Variants in HHAT observed in about 807,000 individuals in gnomAD.
The protein encoded by HHAT is hedgehog acyltransferase.
In HHAT, 47 loss-of-function variants were observed where a neutral mutation model predicts 70.8. That is an observed-to-expected ratio of 0.66 (90% confidence interval 0.53 to 0.85). The LOEUF is 0.85. HHAT is among the 40% of genes least tolerant of loss of function. The probability of loss-of-function intolerance (pLI) is 0.00; values close to 1 mark genes in which losing one functional copy is unlikely to be tolerated. For synonymous variants in HHAT, 228 were observed against 247.6 expected (o/e 0.92, Z 0.74); for missense variants, 609 against 604.8 (o/e 1.01, Z -0.07).
chr1:210,542,888 G>A lies in HHAT; in HGVS notation c.1043+29700G>A, dbSNP rs1273274056. On this transcript the variant is annotated intron_variant, in intron 9 of 11. Coordinates refer to ENST00000261458, the MANE Select transcript of HHAT (RefSeq NM_018194.6). ...TATACATATATGGATATATTTATGT[G>A]TCTGTATATATTTTGATTGTTTGAT... Among the ~76,000 whole-genome samples, 4 of 152,110 alleles carry A rather than the reference G, an allele frequency of 2.6e-5. No individual in the cohort carries two copies. In the East Asian group the frequency reaches 7.7e-4, roughly 29 times the overall value.
intron 9 of HHAT, among the ~76,000 whole-genome samples, chr1:210,539,785 TG>T (rs1308290333): frequency 6.6e-6 from 1 of 152,052 alleles, no homozygotes; most frequent in Non-Finnish European, 1.5e-5. Flanking sequence ...GTGCCTTTTT[TG>T]TGCTCACGAA....
chr1:210,587,375 T>A (rs1159700966), intron 9 of HHAT, among the ~76,000 whole-genome samples: 2 of 152,152 alleles, frequency 1.3e-5, no homozygotes, highest in Non-Finnish European at 2.9e-5. Context: ...CGTGTGAGAC[T>A]TATTCGCTAT....
intron 10 of HHAT, among the ~76,000 whole-genome samples, chr1:210,608,625 C>T (rs1442976379): frequency 6.6e-6 from 1 of 152,084 alleles, no homozygotes; most frequent in Non-Finnish European, 1.5e-5. Context: ...TTTAGATGTG[C>T]ATTTAATTGT....
Position 210,425,395 on chromosome 1 carries a change from CTT to C in HHAT, c.856+7071_856+7072del, listed in dbSNP as rs531946597. On this transcript the variant is annotated intron_variant, in intron 7 of 11. Transcript: ENST00000261458. ...CTTTTGTTGCAATTGCTTTTGTCCT[CTT>C]CGTCATGAAGTCTTTGTCCATGCCT... is the stretch of plus-strand genomic sequence containing the variant. Among the ~76,000 whole-genome samples, 77 of 152,262 alleles carry C rather than the reference CTT, an allele frequency of 5.1e-4. 1 individual carries two copies. In the East Asian group the frequency reaches 6.0e-3, roughly 12 times the overall value.
intron 1 of HHAT, among the ~76,000 whole-genome samples, chr1:210,345,615 T>G (rs2147957439): frequency 6.6e-6 from 1 of 152,358 alleles, no homozygotes; most frequent in Middle Eastern, 3.4e-3. Context: ...GTTTTGGTCT[T>G]TATTTAGATG....
intron 3 of HHAT, among the ~76,000 whole-genome samples, chr1:210,365,309 GTTTTTTTT>G (rs4027290): frequency 6.4e-5 from 5 of 78,408 alleles, no homozygotes; most frequent in Middle Eastern, 0.025. Flanking sequence ...ACTGCTGACA[GTTTTTTTT>G]TTTTTTTTTT....
intron 7 of HHAT, among the ~76,000 whole-genome samples, chr1:210,452,847 A>G (rs373528170): frequency 2.0e-5 from 3 of 152,248 alleles, no homozygotes; most frequent in African/African-American, 7.2e-5. Flanking sequence ...GAGGAGATAG[A>G]AAAGTGAAAA....
chr1:210,362,879 T>C lies in HHAT; in HGVS notation c.119T>C (p.Phe40Ser), dbSNP rs2088503570. ...REHEEELDQEFELETDTLFGG... is the reference protein window; with the variant it reads ...REHEEELDQESELETDTLFGG... The stretch of plus-strand genomic sequence containing the variant: ...CACGAAGAGGAGCTGGACCAGGAAT[T>C]TGAGCTGGAGACTGACACTTTATTT... Residue 40 changes from phenylalanine to serine, a missense_variant, in exon 3 of 12, where the codon TTT (phenylalanine) becomes TCT (serine). Transcript: ENST00000261458. 1 of 1,614,030 alleles carries C rather than the reference T, an allele frequency of 6.2e-7. No homozygotes were observed. The highest frequency in any genetic ancestry group is 8.5e-7 in the Non-Finnish European group (1 of 1,179,928).
At chr1:210,616,109 T>A (rs1667674112) in intron 10 of HHAT, among the ~76,000 whole-genome samples, 4 of 152,326 alleles carry the variant, frequency 2.6e-5, no homozygotes, top group South Asian at 4.1e-4. Flanking sequence ...GGGCAAAACA[T>A]ATTTTGAAAT....
intron 7 of HHAT, among the ~76,000 whole-genome samples, chr1:210,453,856 G>C (rs1472931056): frequency 6.6e-6 from 1 of 152,150 alleles, no homozygotes; most frequent in Non-Finnish European, 1.5e-5. Flanking sequence ...GTGATGGACT[G>C]TATTAGTTTG....
chr1:210,367,155 T>C (rs774573044), intron 3 of HHAT, among the ~76,000 whole-genome samples: 2 of 152,246 alleles, frequency 1.3e-5, no homozygotes, highest in East Asian at 1.9e-4. Flanking sequence ...GATAGCACTC[T>C]TTTGGGTGAA....
chr1:210,569,086 A>G (rs934081618), intron 9 of HHAT, among the ~76,000 whole-genome samples: 1 of 152,238 alleles, frequency 6.6e-6, no homozygotes, highest in African/African-American at 2.4e-5. Context: ...GAAGTATAGC[A>G]GCAGAGGCCG....
At chr1:210,617,791 G>C (rs954617450) in intron 10 of HHAT, among the ~76,000 whole-genome samples, 1 of 152,204 alleles carries the variant, frequency 6.6e-6, no homozygotes, top group Non-Finnish European at 1.5e-5. Context: ...TCAGGAGTAT[G>C]CACACAGAGT....
chr1:210,331,834 TAAGCAAG>T (rs2085016118), intron 1 of HHAT, among the ~76,000 whole-genome samples: 1 of 27,810 alleles, frequency 3.6e-5, no homozygotes, highest in Non-Finnish European at 6.5e-5. Flanking sequence ...ATTGAGGAGG[TAAGCAAG>T]TAAGCAAGTT....
At chr1:210,366,836 C>A (rs557517963) in intron 3 of HHAT, among the ~76,000 whole-genome samples, 1 of 152,292 alleles carries the variant, frequency 6.6e-6, no homozygotes, top group Non-Finnish European at 1.5e-5. Flanking sequence ...CCTTCCCTGT[C>A]CGGCCCTTAC....
chr1:210,625,636 AG>A (rs1669697794), intron 11 of HHAT, among the ~76,000 whole-genome samples: 1 of 152,258 alleles, frequency 6.6e-6, no homozygotes, highest in African/African-American at 2.4e-5. Flanking sequence ...TTTGCTAGGT[AG>A]AAAAGGCAGG....
At chr1:210,588,410 A>G (rs1343931156) in intron 10 of HHAT, 4 of 282,778 alleles carry the variant, frequency 1.4e-5, no homozygotes, top group African/African-American at 2.2e-5. Context: ...AATTTTTTCC[A>G]TGTGTATATA....
intron 9 of HHAT, among the ~76,000 whole-genome samples, chr1:210,542,087 A>C (rs890927252): frequency 2.0e-5 from 3 of 152,040 alleles, no homozygotes; most frequent in African/African-American, 7.3e-5. Flanking sequence ...TGTTTTCCCC[A>C]TCTCCAACCC....
intron 7 of HHAT, among the ~76,000 whole-genome samples, chr1:210,430,767 T>G (rs940253119): frequency 6.6e-5 from 10 of 151,924 alleles, no homozygotes; most frequent in African/African-American, 2.4e-4. Flanking sequence ...TATTACTGAT[T>G]TGATATTTGG....
Sources: allele counts gnomAD v4.1 joint callset (sites outside exome capture counted in the v4.1 genomes callset), GRCh38; gene constraint gnomAD v4.1.1; transcripts MANE v1.5; gene names NCBI Gene and HGNC (gene_info 2026-07-23, HGNC 2026-07-21).